BCL7B: variants seen among roughly 807,000 people sequenced by gnomAD.
The protein encoded by BCL7B is B-cell CLL/lymphoma 7 protein family member B.
A neutral mutation model predicts 26.5 loss-of-function variants in BCL7B; 11 were observed. The ratio of observed to expected loss-of-function variants is 0.42; its 90% CI spans 0.26 to 0.69. BCL7B has a LOEUF of 0.69. Ranked by LOEUF, BCL7B falls within the 30% of genes least tolerant of loss-of-function variation. BCL7B has a pLI of 0.28. For synonymous variants in BCL7B, 111 were observed against 107.9 expected, an observed-to-expected ratio of 1.03 and a Z score of -0.18; for missense variants, 215 against 264.4, an observed-to-expected ratio of 0.81 and a Z score of 1.30.
Position 73,537,189 on chromosome 7 carries a change from G to A in BCL7B, c.*109C>T. ...GCCTTCCAGCCCGGAAGGCTCATGT[G>A]TGCAGGCTCTTGACCCCAGTGCTTG... On this transcript the variant is annotated 3_prime_UTR_variant, in exon 6 of 6. Coordinates refer to ENST00000223368, the MANE Select transcript of BCL7B (RefSeq NM_001707.4). 1 of 1,032,452 alleles carries A rather than the reference G, an allele frequency of 9.7e-7. No individual in the cohort carries two copies. Among genetic ancestry groups the A allele is most frequent in the Non-Finnish European group, 1.5e-6 (1 of 677,716 alleles). 64.0% of individuals were successfully genotyped at this position (1,032,452 alleles called of 1,614,324 possible). A position where few individuals can be genotyped will look rare whatever the true frequency, so the allele number is the denominator to read the frequency against.
At chr7:73,542,688 G>A (rs1791810707) in intron 3 of BCL7B, 1 of 192,628 alleles carries the variant, frequency 5.2e-6, no homozygotes, top group African/African-American at 2.3e-5. Flanking sequence ...CATGACTACG[G>A]TGATGATCCG....
Position 73,555,378 on chromosome 7 carries a change from G to A in BCL7B, c.92+2109C>T, listed in dbSNP as rs182822529. Among the ~76,000 whole-genome samples the A allele has an allele frequency of 1.5e-3, 221 of 142,780 alleles. 1 individual carries two copies. The highest frequency in any genetic ancestry group is 2.9e-3 in the Non-Finnish European group (192 of 65,716). The allele number at this position is 142,780 out of a possible 152,430, so 93.7% of individuals were successfully genotyped here. A position where few individuals can be genotyped will look rare whatever the true frequency, so the allele number is the denominator to read the frequency against. ...GATCGCACCATTGCACTCCAACGTG[G>A]GTGACAGAGCAAGACTCTGTCTCAA... On this transcript the variant is annotated intron_variant, in intron 1 of 5. Coordinates refer to ENST00000223368, the MANE Select transcript of BCL7B (RefSeq NM_001707.4).
intron 2 of BCL7B, among the ~76,000 whole-genome samples, chr7:73,550,956 C>T (rs1267484102): frequency 2.0e-5 from 3 of 152,116 alleles, no homozygotes; most frequent in Non-Finnish European, 4.4e-5. Flanking sequence ...CACGCCCGGC[C>T]CACATATTTA....
chr7:73,540,829 CAAAAAAAAAAAAAA>C (rs56111929), intron 3 of BCL7B, among the ~76,000 whole-genome samples: 2 of 50,942 alleles, frequency 3.9e-5, no homozygotes, highest in East Asian at 9.3e-4. Flanking sequence ...GACTCTGTCT[CAAAAAAAAAAAAAA>C]AAAAAAAAAA....
chr7:73,551,250 C>G (rs1792158035), intron 2 of BCL7B, among the ~76,000 whole-genome samples: 2 of 152,286 alleles, frequency 1.3e-5, no homozygotes, highest in Admixed American at 6.5e-5. Context: ...TCAAAAGCAC[C>G]ACAGACAATA....
At chr7:73,550,558 G>T (rs1792123444) in intron 2 of BCL7B, among the ~76,000 whole-genome samples, 1 of 151,440 alleles carries the variant, frequency 6.6e-6, no homozygotes, top group Non-Finnish European at 1.5e-5. Context: ...AAACAAAAAA[G>T]CAAAAAACCC....
At chr7:73,543,478 A>C in intron 3 of BCL7B, 70 bp downstream of exon 3, 1 of 1,454,854 alleles carries the variant, frequency 6.9e-7, no homozygotes, top group Non-Finnish European at 9.6e-7. Flanking sequence ...GCACCTGGCC[A>C]ATTCTTCTTA....
At chr7:73,557,192 G>A (rs1026128071) in intron 1 of BCL7B, 9 of 1,035,426 alleles carry the variant, frequency 8.7e-6, no homozygotes, top group Non-Finnish European at 8.1e-6. Context: ...GGCCGGGCGC[G>A]GGCACCGACG....
rs1563419948 is a variant in BCL7B, at chr7:73,537,033, GA to G, written c.*264del. The stretch of plus-strand genomic sequence containing the variant: ...AGACTGCTGCCTGGAGGTCACAGAT[GA>G]ATCTTGGGGTGGCCGATGCTCCAGC... On this transcript the variant is annotated 3_prime_UTR_variant, in exon 6 of 6. Coordinates refer to ENST00000223368, the MANE Select transcript of BCL7B (RefSeq NM_001707.4). 5.3e-6 allele frequency: 2 copies of G among 375,460 alleles called. No homozygotes were observed. Among genetic ancestry groups the G allele is most frequent in the East Asian group, 8.7e-5 (2 of 22,984 alleles). The allele number at this position is 375,460 out of a possible 1,614,324, so 23.3% of individuals were successfully genotyped here.
intron 2 of BCL7B, among the ~76,000 whole-genome samples, chr7:73,546,612 G>A (rs1294879643): frequency 6.6e-6 from 1 of 151,796 alleles, no homozygotes; most frequent in Non-Finnish European, 1.5e-5. Flanking sequence ...AGGCTGCAGT[G>A]AGATGAGATC....
Position 73,537,039 on chromosome 7 carries a change from T to C in BCL7B, c.*259A>G, listed in dbSNP as rs1400623156. ...CTGCCTGGAGGTCACAGATGAATCT[T>C]GGGGTGGCCGATGCTCCAGCCAACT... is the stretch of plus-strand genomic sequence containing the variant. On this transcript the variant is annotated 3_prime_UTR_variant, in exon 6 of 6. Transcript: ENST00000223368. 6 of 399,542 alleles carry C rather than the reference T, an allele frequency of 1.5e-5. No homozygotes were observed. Among genetic ancestry groups the C allele is most frequent in the Admixed American group, 3.7e-5 (1 of 27,042 alleles). The allele number at this position is 399,542 out of a possible 1,614,324, so 24.7% of individuals were successfully genotyped here.
At chr7:73,546,067 G>A (rs1791942962) in intron 2 of BCL7B, among the ~76,000 whole-genome samples, 1 of 150,730 alleles carries the variant, frequency 6.6e-6, no homozygotes, top group South Asian at 2.1e-4. Flanking sequence ...AGGAGGCAGA[G>A]CTTGCAGTGA....
At chr7:73,541,237 G>A (rs533269808) in intron 3 of BCL7B, among the ~76,000 whole-genome samples, 1 of 152,166 alleles carries the variant, frequency 6.6e-6, no homozygotes, top group East Asian at 1.9e-4. Flanking sequence ...AGTCACCAAA[G>A]TGTTTCCCCC....
intron 2 of BCL7B, among the ~76,000 whole-genome samples, chr7:73,549,536 C>A (rs115830890): frequency 1.3e-5 from 2 of 152,126 alleles, no homozygotes; most frequent in African/African-American, 4.8e-5. Flanking sequence ...AGCGTGGGTA[C>A]GATGGCTCAT....
At position 73,540,001 on chromosome 7, in the gene BCL7B, T is replaced by C; in HGVS notation, c.317A>G (p.Asp106Gly). Residue 106 changes from aspartate (D) to glycine (G), a missense_variant, in exon 4 of 6, where the codon GAC becomes GGC. Physicochemically the swap from Asp to Gly is moderately conservative, Grantham distance 94. Coordinates refer to ENST00000223368, the MANE Select transcript of BCL7B (RefSeq NM_001707.4). ...SVSDVYQLKV[D>G]SSTNSSPSPQ... is the part of the protein sequence containing the mutation. ...GCTGGGGCTTGAGTTGGTGCTGCTGTCCACCTTAAGCTGATAGACGTCAGA... is the reference window on the plus strand; with the variant it reads ...GCTGGGGCTTGAGTTGGTGCTGCTGCCCACCTTAAGCTGATAGACGTCAGA... 1 of 1,614,080 alleles carries C rather than the reference T, an allele frequency of 6.2e-7. No individual in the cohort carries two copies. Among genetic ancestry groups the C allele is most frequent in the East Asian group, 2.2e-5 (1 of 44,870 alleles).
intron 1 of BCL7B, among the ~76,000 whole-genome samples, chr7:73,554,408 A>G (rs934784246): frequency 3.3e-5 from 5 of 152,118 alleles, no homozygotes; most frequent in Non-Finnish European, 7.4e-5. Context: ...CACAGATCTG[A>G]GCCAACTTCT....
chr7:73,557,159 AG>A, intron 1 of BCL7B: 1 of 1,013,590 alleles, frequency 9.9e-7, no homozygotes, highest in Non-Finnish European at 1.2e-6. Flanking sequence ...GCCCAGGAAG[AG>A]GGGAGGGCGG....
At chr7:73,551,817 C>T (rs890641951) in intron 2 of BCL7B, among the ~76,000 whole-genome samples, 1 of 151,468 alleles carries the variant, frequency 6.6e-6, no homozygotes, top group Non-Finnish European at 1.5e-5. Flanking sequence ...GCAATTAGGC[C>T]GGGTGCAGTG....
At position 73,552,234 on chromosome 7, in the gene BCL7B, T is replaced by C. The variant is rs1554584246; in HGVS notation, c.101A>G (p.Lys34Arg). The C allele has an allele frequency of 1.9e-6, 3 of 1,608,756 alleles. No homozygotes were observed. The Admixed American group carries it at 5.2e-5, about 28-fold the overall frequency. Reference sequence around the variant, plus strand: ...GGACGTGTCACCCACAGTCACCCACTTCTTCTCCCTAAAAGAAAGACACTT... The same window carrying C: ...GGACGTGTCACCCACAGTCACCCACCTCTTCTCCCTAAAAGAAAGACACTT... ...AIEKVRKWEK[K>R]WVTVGDTSLR... is the part of the protein sequence containing the mutation. Residue 34 changes from lysine (K) to arginine (R), a missense_variant, in exon 2 of 6, where the codon AAG (lysine) becomes AGG (arginine). Lys to Arg is a conservative substitution (Grantham distance 26). Transcript: ENST00000223368.
Sources: allele counts gnomAD v4.1 joint callset (sites outside exome capture counted in the v4.1 genomes callset), GRCh38; gene constraint gnomAD v4.1.1; transcripts MANE v1.5; gene names NCBI Gene and HGNC (gene_info 2026-07-23, HGNC 2026-07-21).